IL34: variants seen among roughly 807,000 people sequenced by gnomAD.
The protein encoded by IL34 is interleukin-34.
A neutral mutation model predicts 25.3 loss-of-function variants in IL34; 17 were observed. The ratio of observed to expected loss-of-function variants is 0.67; its 90% CI spans 0.46 to 1.01. The LOEUF is 1.01. Among genes scored for constraint, IL34 ranks in the 50% least tolerant of loss-of-function variants. The probability of loss-of-function intolerance (pLI) is 0.00; values close to 1 mark genes in which losing one functional copy is unlikely to be tolerated. For synonymous variants in IL34, 174 were observed against 140.9 expected (o/e 1.23, Z -1.66); for missense variants, 368 against 312.9 (o/e 1.18, Z -1.33).
At chr16:70,582,136 G>A (rs1019194421) in intron 1 of IL34, among the ~76,000 whole-genome samples, 7 of 152,196 alleles carry the variant, frequency 4.6e-5, no homozygotes, top group African/African-American at 1.2e-4. Context: ...CAGCTTCATC[G>A]TAACTAGAGT....
At chr16:70,655,954 G>A (rs1210775544) in intron 2 of IL34, among the ~76,000 whole-genome samples, 1 of 152,160 alleles carries the variant, frequency 6.6e-6, no homozygotes, top group South Asian at 2.1e-4. Context: ...CTCATTTAAA[G>A]TGCACAACTC....
chr16:70,609,326 G>A (rs2051056819), intron 1 of IL34, among the ~76,000 whole-genome samples: 1 of 152,114 alleles, frequency 6.6e-6, no homozygotes, highest in Admixed American at 6.5e-5. Flanking sequence ...TGATCTGCCC[G>A]CTTCTGCTTC....
chr16:70,655,796 A>G (rs1187725005), intron 2 of IL34, among the ~76,000 whole-genome samples: 3 of 147,558 alleles, frequency 2.0e-5, no homozygotes, highest in African/African-American at 7.5e-5. Flanking sequence ...GTAAACTTAA[A>G]CTCCTGTGCT....
intron 1 of IL34, among the ~76,000 whole-genome samples, chr16:70,581,607 G>A (rs1311000056): frequency 6.6e-6 from 1 of 152,130 alleles, no homozygotes; most frequent in Non-Finnish European, 1.5e-5. Context: ...GGGCTGGGCA[G>A]GGGATTTGAG....
Position 70,660,377 on chromosome 16 carries a change from G to A in IL34, c.*190G>A, listed in dbSNP as rs1419352295. 3 of 551,352 alleles carry A rather than the reference G, an allele frequency of 5.4e-6. No individual in the cohort carries two copies. The highest frequency in any genetic ancestry group is 9.3e-6 in the Non-Finnish European group (3 of 323,572). The allele number at this position is 551,352 out of a possible 1,614,324, so 34.2% of individuals were successfully genotyped here. ...GCTTCCTGCCTTCCATAGCTGTCAT[G>A]GCCTCACCTGGAGCGGAGGGGACCT... On this transcript the variant is annotated 3_prime_UTR_variant, in exon 6 of 6. Coordinates refer to ENST00000288098, the MANE Select transcript of IL34 (RefSeq NM_001393494.1).
intron 1 of IL34, among the ~76,000 whole-genome samples, chr16:70,599,000 C>T (rs1021969965): frequency 6.6e-6 from 1 of 152,162 alleles, no homozygotes; most frequent in African/African-American, 2.4e-5. Context: ...AGATTAGAGG[C>T]ATTATCACTA....
At chr16:70,652,204 C>G (rs527580043) in intron 1 of IL34, among the ~76,000 whole-genome samples, 69 of 152,184 alleles carry the variant, frequency 4.5e-4, no homozygotes, top group African/African-American at 1.5e-3. Flanking sequence ...GCCTGTAATC[C>G]CAGCACTTTT....
At chr16:70,608,902 G>A (rs2051050287) in intron 1 of IL34, among the ~76,000 whole-genome samples, 1 of 152,080 alleles carries the variant, frequency 6.6e-6, no homozygotes, top group South Asian at 2.1e-4. Flanking sequence ...GTGTGGGGGC[G>A]GGTGTTGCCA....
chr16:70,659,584 T>C, intron 4 of IL34, 34 bp from the exon 5 acceptor site: 1 of 1,577,398 alleles, frequency 6.3e-7, no homozygotes, highest in East Asian at 2.3e-5. Context: ...CGGCCCCATC[T>C]CGCCACCGCT....
At chr16:70,653,461 G>A (rs1246508880) in intron 1 of IL34, among the ~76,000 whole-genome samples, 1 of 152,140 alleles carries the variant, frequency 6.6e-6, no homozygotes, top group East Asian at 1.9e-4. Context: ...CACTTTGGGA[G>A]GCTGAGGCAG....
intron 1 of IL34, among the ~76,000 whole-genome samples, chr16:70,600,337 T>G (rs1266418559): frequency 3.3e-5 from 5 of 152,198 alleles, no homozygotes; most frequent in Admixed American, 3.3e-4. Context: ...TTGAACTGTT[T>G]TGTAGATGTT....
intron 1 of IL34, among the ~76,000 whole-genome samples, chr16:70,620,892 G>T (rs1300413999): frequency 6.6e-6 from 1 of 152,106 alleles, no homozygotes; most frequent in Non-Finnish European, 1.5e-5. Context: ...TAAGGGAGAA[G>T]AAGGAGGAAT....
chr16:70,656,447 A>AGGT (rs1252506087), intron 2 of IL34, among the ~76,000 whole-genome samples, 155 bp from the exon 3 acceptor site: 1 of 152,114 alleles, frequency 6.6e-6, no homozygotes, highest in Non-Finnish European at 1.5e-5. Context: ...TGAGCCTGGG[A>AGGT]GGTCAAGGCT....
chr16:70,584,498 G>C (rs2050668752), intron 1 of IL34, among the ~76,000 whole-genome samples: 2 of 152,162 alleles, frequency 1.3e-5, no homozygotes, highest in Non-Finnish European at 2.9e-5. Context: ...GCAGCCACTG[G>C]GAAAAGTCAG....
chr16:70,635,211 C>T (rs774146911), intron 1 of IL34, among the ~76,000 whole-genome samples: 2 of 152,108 alleles, frequency 1.3e-5, no homozygotes, highest in Admixed American at 6.6e-5. Context: ...TCAAGGGTAA[C>T]GTGGAGGGCC....
At chr16:70,608,653 G>T (rs752250658) in intron 1 of IL34, among the ~76,000 whole-genome samples, 7 of 152,218 alleles carry the variant, frequency 4.6e-5, no homozygotes, top group Non-Finnish European at 1.0e-4. Context: ...ACTCTGAGCA[G>T]CACAGGTGAG....
At chr16:70,656,918 GCCCATGTCTCCC>G (rs1320988856) in intron 3 of IL34, 30 bp from the exon 4 acceptor site, 5 of 1,580,870 alleles carry the variant, frequency 3.2e-6, no homozygotes, top group Non-Finnish European at 4.3e-6. Flanking sequence ...GAGCCCAGAG[GCCCATGTCTCCC>G]GAGTTGCAGT....
intron 1 of IL34, among the ~76,000 whole-genome samples, chr16:70,601,135 G>A (rs1271689306): frequency 6.6e-6 from 1 of 152,100 alleles, no homozygotes; most frequent in African/African-American, 2.4e-5. Flanking sequence ...GGAGTGCTGG[G>A]AAAGGAGGTG....
intron 1 of IL34, among the ~76,000 whole-genome samples, chr16:70,608,396 T>C (rs934423376): frequency 6.6e-6 from 1 of 152,222 alleles, no homozygotes; most frequent in East Asian, 1.9e-4. Context: ...CCCAAAGTGC[T>C]GGGATTATGG....
Sources: gnomAD v4.1 joint callset for allele counts (sites outside exome capture counted in the v4.1 genomes callset) on GRCh38, gnomAD v4.1.1 for gene constraint, MANE v1.5 for transcripts, NCBI Gene and HGNC (gene_info 2026-07-23, HGNC 2026-07-21) for gene names.